ARHGAP26: variants seen among roughly 807,000 people sequenced by gnomAD.
ARHGAP26 encodes rho GTPase-activating protein 26.
Under a neutral mutation model 104.8 loss-of-function variants are expected in ARHGAP26, and 38 were observed. The ratio of observed to expected loss-of-function variants is 0.36; its 90% CI spans 0.28 to 0.48. The LOEUF (loss-of-function observed/expected upper bound fraction) is 0.48, where lower values mean the gene tolerates loss of function less well. Ranked by LOEUF, ARHGAP26 falls within the 20% of genes least tolerant of loss-of-function variation. The pLI, the probability that ARHGAP26 is intolerant of heterozygous loss-of-function variation, is 0.99. For synonymous variants in ARHGAP26, 341 were observed against 340.0 expected (o/e 1.00, Z -0.03); for missense variants, 704 against 947.9 (o/e 0.74, Z 3.38).
At chr5:142,829,656 C>A (rs1050630578) in intron 1 of ARHGAP26, among the ~76,000 whole-genome samples, 1 of 152,170 alleles carries the variant, frequency 6.6e-6, no homozygotes, top group African/African-American at 2.4e-5. Flanking sequence ...GGCTAATTGG[C>A]TAAAATTATA....
intron 22 of ARHGAP26, among the ~76,000 whole-genome samples, chr5:143,218,213 G>A (rs1396300250): frequency 6.6e-6 from 1 of 152,192 alleles, no homozygotes; most frequent in African/African-American, 2.4e-5. Context: ...GCACACCACT[G>A]TTCTAAAATC....
At chr5:143,108,638 C>A (rs1794378401) in intron 17 of ARHGAP26, among the ~76,000 whole-genome samples, 1 of 152,106 alleles carries the variant, frequency 6.6e-6, no homozygotes, top group Non-Finnish European at 1.5e-5. Context: ...GGTGAAAGTA[C>A]ATTCCATTTC....
chr5:142,863,490 C>T (rs576570317), intron 1 of ARHGAP26, among the ~76,000 whole-genome samples: 3 of 152,320 alleles, frequency 2.0e-5, no homozygotes, highest in Admixed American at 6.5e-5. Context: ...CAAGGAGACA[C>T]GCCATTTCTG....
chr5:142,967,146 T>A (rs830287), intron 11 of ARHGAP26, among the ~76,000 whole-genome samples: 1 of 152,050 alleles, frequency 6.6e-6, no homozygotes, highest in South Asian at 2.1e-4. Flanking sequence ...CTTAATGTTC[T>A]TTTAGTGCTG....
chr5:142,845,660 A>G (rs915166077), intron 1 of ARHGAP26, among the ~76,000 whole-genome samples: 3 of 152,170 alleles, frequency 2.0e-5, no homozygotes, highest in Non-Finnish European at 2.9e-5. Flanking sequence ...GACACATATC[A>G]GCTTCTCAGT....
chr5:142,885,236 A>G, intron 4 of ARHGAP26, 62 bp from the exon 5 acceptor site: 1 of 1,365,780 alleles, frequency 7.3e-7, no homozygotes, highest in East Asian at 2.4e-5. Flanking sequence ...TGAGAGATGG[A>G]GGCTGCTTTT....
intron 14 of ARHGAP26, 65 bp from the exon 15 acceptor site, chr5:143,054,374 A>G: frequency 8.8e-7 from 1 of 1,138,916 alleles, no homozygotes; most frequent in Non-Finnish European, 1.3e-6. Flanking sequence ...GGATGCCTTT[A>G]TGTGTGCTTA....
At chr5:142,853,016 T>C (rs1172297932) in intron 1 of ARHGAP26, among the ~76,000 whole-genome samples, 1 of 151,986 alleles carries the variant, frequency 6.6e-6, no homozygotes, top group Non-Finnish European at 1.5e-5. Context: ...TTTATCGAGC[T>C]CCAAAGGTGG....
chr5:143,092,642 T>C (rs1791623592), intron 17 of ARHGAP26, among the ~76,000 whole-genome samples: 1 of 152,192 alleles, frequency 6.6e-6, no homozygotes, highest in South Asian at 2.1e-4. Context: ...GCCACAAGAT[T>C]AGAAGTTAGG....
At chr5:143,116,964 C>G (rs1311501923) in intron 17 of ARHGAP26, among the ~76,000 whole-genome samples, 1 of 152,198 alleles carries the variant, frequency 6.6e-6, no homozygotes, top group Non-Finnish European at 1.5e-5. Context: ...CTGGATCTCT[C>G]CCAAGTGAAT....
intron 17 of ARHGAP26, among the ~76,000 whole-genome samples, chr5:143,060,378 T>C (rs1395374328): frequency 6.6e-6 from 1 of 152,190 alleles, no homozygotes; most frequent in Non-Finnish European, 1.5e-5. Flanking sequence ...TGATTTCCCT[T>C]AGCCACAGAG....
intron 1 of ARHGAP26, 21 bp downstream of exon 1, chr5:142,770,936 G>A (rs2151781367): frequency 6.3e-7 from 1 of 1,590,434 alleles, no homozygotes; most frequent in Non-Finnish European, 8.6e-7. Context: ...CGAGCCCCTC[G>A]GGGACGCGGC....
intron 1 of ARHGAP26, among the ~76,000 whole-genome samples, chr5:142,826,953 T>C (rs1304247799): frequency 6.6e-6 from 1 of 152,178 alleles, no homozygotes; most frequent in African/African-American, 2.4e-5. Context: ...TTCATTGATA[T>C]AATTTTGAGT....
intron 20 of ARHGAP26, among the ~76,000 whole-genome samples, chr5:143,197,971 A>G (rs1456884844): frequency 6.6e-6 from 1 of 152,216 alleles, no homozygotes; most frequent in Non-Finnish European, 1.5e-5. Context: ...CCATATCTGT[A>G]CATCCAGTTC....
chr5:143,016,459 C>A (rs901643073), intron 12 of ARHGAP26, among the ~76,000 whole-genome samples: 2 of 152,108 alleles, frequency 1.3e-5, no homozygotes, highest in Non-Finnish European at 2.9e-5. Flanking sequence ...AATCCCAGCA[C>A]TTTGGGAGGC....
intron 10 of ARHGAP26, among the ~76,000 whole-genome samples, chr5:142,928,248 T>TTTA (rs1554158790): frequency 2.1e-5 from 3 of 145,252 alleles, no homozygotes; most frequent in African/African-American, 8.0e-5. Flanking sequence ...TTTTTTTTTT[T>TTTA]AAAACTCATT....
chr5:142,774,722 GT>G (rs1561817168), intron 1 of ARHGAP26, among the ~76,000 whole-genome samples: 3 of 151,994 alleles, frequency 2.0e-5, no homozygotes, highest in Non-Finnish European at 4.4e-5. Context: ...AAAATCCTAT[GT>G]GCTCCACCTA....
intron 22 of ARHGAP26, among the ~76,000 whole-genome samples, chr5:143,219,313 C>T (rs897155138): frequency 1.3e-5 from 2 of 152,188 alleles, no homozygotes; most frequent in Non-Finnish European, 2.9e-5. Flanking sequence ...TCTAAAACTC[C>T]AAGCACACAG....
chr5:143,016,524 G>C (rs1028950537), intron 12 of ARHGAP26, among the ~76,000 whole-genome samples: 3 of 152,122 alleles, frequency 2.0e-5, no homozygotes, highest in Non-Finnish European at 2.9e-5. Flanking sequence ...CCAACATGGT[G>C]AAACCCTGTC....
Sources: gnomAD v4.1 joint callset for allele counts (sites outside exome capture counted in the v4.1 genomes callset) on GRCh38, gnomAD v4.1.1 for gene constraint, MANE v1.5 for transcripts, NCBI Gene and HGNC (gene_info 2026-07-23, HGNC 2026-07-21) for gene names.